Variants in CAPSL observed in about 807,000 individuals in gnomAD.
The protein encoded by CAPSL is calcyphosin-like protein.
A neutral mutation model predicts 21.3 loss-of-function variants in CAPSL; 17 were observed. The observed-to-expected ratio is 0.80, with a 90% CI of 0.55 to 1.20. CAPSL has a LOEUF of 1.20. Ranked by LOEUF, CAPSL falls within the 50% of genes most tolerant of loss-of-function variation. The probability of loss-of-function intolerance (pLI) is 0.00; values close to 1 mark genes in which losing one functional copy is unlikely to be tolerated. For missense variants in CAPSL, 289 were observed against 259.3 expected (o/e 1.11, Z -0.79); for synonymous variants, 102 against 89.3 (o/e 1.14, Z -0.80).
intron 2 of CAPSL, among the ~76,000 whole-genome samples, chr5:35,917,899 A>G (rs1192180439): frequency 6.6e-6 from 1 of 152,154 alleles, no homozygotes; most frequent in Non-Finnish European, 1.5e-5. Flanking sequence ...GCTTATCGTC[A>G]TTAGAGAAAT....
chr5:35,904,446 G>A lies in CAPSL; in HGVS notation c.*99C>T. The A allele has an allele frequency of 1.1e-6, 1 of 875,530 alleles. No homozygotes were observed. 54.2% of individuals were successfully genotyped at this position (875,530 alleles called of 1,614,324 possible). ...TATTTTGACACAGAAAAAAACATTA[G>A]GATGAGTGTGAAATCAAATACGATT... On this transcript the variant is annotated 3_prime_UTR_variant, in exon 5 of 5. Coordinates refer to ENST00000651391, the MANE Select transcript of CAPSL (RefSeq NM_001042625.2).
chr5:35,917,331 A>G (rs1307124097), intron 2 of CAPSL, among the ~76,000 whole-genome samples: 6 of 152,238 alleles, frequency 3.9e-5, no homozygotes, highest in African/African-American at 1.4e-4. Context: ...ATCTAGAACT[A>G]GAAATATCAC....
chr5:35,926,377 G>A (rs1297294515), intron 1 of CAPSL, among the ~76,000 whole-genome samples: 1 of 152,190 alleles, frequency 6.6e-6, no homozygotes, highest in South Asian at 2.1e-4. Context: ...ATTTGGGGCA[G>A]AGGCAGAGTG....
At position 35,915,660 on chromosome 5, in the gene CAPSL, AC is replaced by A. The variant is rs1460249590; in HGVS notation, c.138-5118del. On this transcript the variant is annotated intron_variant, in intron 2 of 4. Transcript: ENST00000651391. ...AAAAGGCCTTTGACAAAATTCAACA[AC>A]CCTTCATGCTAAAAACTCTCAACAA... 6.6e-5 allele frequency among the ~76,000 whole-genome samples: 10 copies of A among 152,216 alleles called. No individual in the cohort carries two copies. In the South Asian group the frequency reaches 8.3e-4, roughly 13 times the overall value.
intron 4 of CAPSL, among the ~76,000 whole-genome samples, chr5:35,909,280 G>A (rs114090123): frequency 1.0e-3 from 157 of 152,280 alleles, no homozygotes; most frequent in African/African-American, 3.7e-3. Flanking sequence ...GTTTAGAAAT[G>A]TAAGTTAATC....
intron 2 of CAPSL, among the ~76,000 whole-genome samples, chr5:35,915,274 C>A (rs991556093): frequency 1.3e-5 from 2 of 152,134 alleles, no homozygotes; most frequent in Admixed American, 1.3e-4. Flanking sequence ...CAAATTCTAC[C>A]AGAGGTACAA....
chr5:35,912,868 TA>T (rs1738268558), intron 2 of CAPSL, among the ~76,000 whole-genome samples: 1 of 152,174 alleles, frequency 6.6e-6, no homozygotes, highest in Admixed American at 6.5e-5. Context: ...GAGATGACTT[TA>T]ACAAGTTGAC....
chr5:35,918,175 C>G (rs1187580990), intron 2 of CAPSL, among the ~76,000 whole-genome samples: 2 of 152,120 alleles, frequency 1.3e-5, no homozygotes, highest in African/African-American at 4.8e-5. Flanking sequence ...TATTGCAGCT[C>G]TATTCACAAC....
intron 1 of CAPSL, among the ~76,000 whole-genome samples, chr5:35,924,244 T>G (rs1051250726): frequency 2.0e-5 from 3 of 152,220 alleles, no homozygotes; most frequent in South Asian, 4.1e-4. Context: ...GATTCTCTAG[T>G]GCAACCTCAT....
chr5:35,935,335 CT>C (rs113841969), intron 1 of CAPSL, among the ~76,000 whole-genome samples: 8,654 of 145,532 alleles, frequency 0.059, 320 homozygotes, highest in African/African-American at 0.092. Flanking sequence ...GTCCAAACTT[CT>C]TTTTTTTTTT....
At chr5:35,915,755 A>T (rs1462955285) in intron 2 of CAPSL, among the ~76,000 whole-genome samples, 1 of 152,244 alleles carries the variant, frequency 6.6e-6, no homozygotes, top group African/African-American at 2.4e-5. Flanking sequence ...AGCCAGTATC[A>T]CACTGAATCG....
At chr5:35,928,831 GAA>G (rs1262940155) in intron 1 of CAPSL, among the ~76,000 whole-genome samples, 1 of 152,126 alleles carries the variant, frequency 6.6e-6, no homozygotes, top group Non-Finnish European at 1.5e-5. Context: ...CTGATATAGA[GAA>G]AGACCTGGGA....
chr5:35,920,944 C>T (rs755484518), intron 2 of CAPSL, 40 bp downstream of exon 2: 5 of 1,601,208 alleles, frequency 3.1e-6, no homozygotes, highest in Non-Finnish European at 4.3e-6. Flanking sequence ...AGAGTCATTC[C>T]TTCCCGCTCC....
At chr5:35,921,203 G>A in intron 1 of CAPSL, 83 bp from the exon 2 acceptor site, 1 of 1,498,474 alleles carries the variant, frequency 6.7e-7, no homozygotes, top group East Asian at 2.3e-5. Context: ...GCCTCACTGA[G>A]AAGGAAATTT....
chr5:35,917,617 C>CA (rs1296065033), intron 2 of CAPSL, among the ~76,000 whole-genome samples: 2 of 151,940 alleles, frequency 1.3e-5, no homozygotes, highest in South Asian at 2.1e-4. Flanking sequence ...ATTGCAAGGA[C>CA]AAAAAACCAA....
rs537900664 is a variant in CAPSL at position 35,933,521 on chromosome 5, AC to A, written c.-1+5019del. ...AAAATGTTCATTTTTTAAACAGGAA[AC>A]CCCTGTGGTCACCACAGGGCACTCA... On this transcript the variant is annotated intron_variant, in intron 1 of 4. Coordinates refer to ENST00000651391, the MANE Select transcript of CAPSL (RefSeq NM_001042625.2). 1.1e-3 allele frequency among the ~76,000 whole-genome samples: 169 copies of A among 152,126 alleles called. 1 individual carries two copies. The highest frequency in any genetic ancestry group is 4.0e-3 in the African/African-American group (164 of 41,510).
At chr5:35,905,875 T>G (rs1299018262) in intron 4 of CAPSL, among the ~76,000 whole-genome samples, 2 of 152,232 alleles carry the variant, frequency 1.3e-5, no homozygotes, top group Non-Finnish European at 2.9e-5. Flanking sequence ...ACCCCACACC[T>G]GCTAAATCAG....
Position 35,910,530 on chromosome 5 carries a change from T to C in CAPSL, c.151A>G (p.Met51Val). Reference protein sequence around the residue: ...IKGLGRVFRIMDDDNNRTLDF... With the variant: ...IKGLGRVFRIVDDDNNRTLDF... ...AGGGTTCGATTATTATCGTCATCCATAATTCTAAACACTCTGAAGAAAATA... is the reference window on the plus strand; with the variant it reads ...AGGGTTCGATTATTATCGTCATCCACAATTCTAAACACTCTGAAGAAAATA... Residue 51 changes from methionine (M) to valine (V), a missense_variant, in exon 3 of 5, where the codon ATG (methionine) becomes GTG (valine). Coordinates refer to ENST00000651391, the MANE Select transcript of CAPSL (RefSeq NM_001042625.2). The C allele has an allele frequency of 5.0e-6, 8 of 1,606,058 alleles. No homozygotes were observed. Among genetic ancestry groups the C allele is most frequent in the African/African-American group, 4.0e-5 (3 of 74,856 alleles).
intron 2 of CAPSL, among the ~76,000 whole-genome samples, chr5:35,916,731 C>CT (rs1377396938): frequency 6.6e-6 from 1 of 152,192 alleles, no homozygotes; most frequent in Non-Finnish European, 1.5e-5. Flanking sequence ...GGATTAAAGA[C>CT]TTACATGTTA....
Sources: allele counts gnomAD v4.1 joint callset (sites outside exome capture counted in the v4.1 genomes callset), GRCh38; gene constraint gnomAD v4.1.1; transcripts MANE v1.5; gene names NCBI Gene and HGNC (gene_info 2026-07-23, HGNC 2026-07-21).